Variants in VPS13A observed in about 807,000 individuals in gnomAD.
The protein encoded by VPS13A is intermembrane lipid transfer protein VPS13A.
Under a neutral mutation model 390.9 loss-of-function variants are expected in VPS13A, and 264 were observed. The ratio of observed to expected loss-of-function variants is 0.68; its 90% CI spans 0.61 to 0.75. VPS13A has a LOEUF of 0.75. Among genes scored for constraint, VPS13A ranks in the 30% least tolerant of loss-of-function variants. The pLI, the probability that VPS13A is intolerant of heterozygous loss-of-function variation, is 0.00. For missense variants in VPS13A, 3,409 were observed against 3,733.9 expected, an observed-to-expected ratio of 0.91 and a Z score of 2.27; for synonymous variants, 1,231 against 1,227.1, an observed-to-expected ratio of 1.00 and a Z score of -0.07.
At chr9:77,339,380 T>C in intron 47 of VPS13A, 136 bp from the exon 48 acceptor site, 1 of 793,448 alleles carries the variant, frequency 1.3e-6, no homozygotes, top group Admixed American at 2.8e-5. Flanking sequence ...AGAACTTGAA[T>C]GTAAGTCTTC....
chr9:77,369,191 G>A, intron 62 of VPS13A, 108 bp from the exon 63 acceptor site: 1 of 786,090 alleles, frequency 1.3e-6, no homozygotes, highest in Non-Finnish European at 2.2e-6. Flanking sequence ...AGTTGAAATT[G>A]GCATTAAAGG....
At chr9:77,310,175 A>C (rs746719304) in intron 35 of VPS13A, among the ~76,000 whole-genome samples, 7 of 152,192 alleles carry the variant, frequency 4.6e-5, no homozygotes, top group Non-Finnish European at 8.8e-5. Context: ...AGTGTATTTC[A>C]GAAAGTCAGG....
intron 52 of VPS13A, 160 bp from the exon 53 acceptor site, chr9:77,351,157 C>G: frequency 1.2e-6 from 1 of 816,236 alleles, no homozygotes; most frequent in South Asian, 1.8e-5. Flanking sequence ...CATTAGTGAA[C>G]CCTTTTTTAA....
At chr9:77,324,062 T>C (rs771569406) in intron 45 of VPS13A, among the ~76,000 whole-genome samples, 18 of 152,164 alleles carry the variant, frequency 1.2e-4, no homozygotes, top group Non-Finnish European at 2.5e-4. Context: ...TTATCAATTT[T>C]ATAAAAAATC....
chr9:77,401,696 C>A (rs1053984861), intron 68 of VPS13A, among the ~76,000 whole-genome samples: 1 of 152,010 alleles, frequency 6.6e-6, no homozygotes. Context: ...TAAAACAGTT[C>A]TTTTCATCTA....
Position 77,405,902 on chromosome 9 carries a change from T to A in VPS13A, c.9314T>A (p.Leu3105His), listed in dbSNP as rs141321409. The A allele has an allele frequency of 1.5e-4, 248 of 1,613,958 alleles. 1 individual carries two copies. The highest frequency in any genetic ancestry group is 6.6e-4 in the Middle Eastern group (4 of 6,058). Residue 3105 changes from leucine to histidine, a missense_variant, in exon 70 of 72, where the codon CTC becomes CAC. Physicochemically the swap from Leu to His is moderately conservative, Grantham distance 99. This residue lies in a region of VPS13A where 318 missense variants were observed against 333.7 expected (regional missense o/e 0.95). Coordinates refer to ENST00000360280, the MANE Select transcript of VPS13A (RefSeq NM_033305.3). ...LFVTKGTFGQ[L>H]TCEWQYSFDE... ...GTAACAAAGGGAACATTTGGACAAC[T>A]CACGTGTGAGTGGCAGTATAGTTTT...
At chr9:77,234,156 T>A (rs538599957) in intron 17 of VPS13A, among the ~76,000 whole-genome samples, 1 of 152,298 alleles carries the variant, frequency 6.6e-6, no homozygotes, top group East Asian at 1.9e-4. Flanking sequence ...AGTTTTCTAT[T>A]GAAAGATATT....
At chr9:77,287,774 T>C (rs1282428149) in intron 31 of VPS13A, among the ~76,000 whole-genome samples, 1 of 152,208 alleles carries the variant, frequency 6.6e-6, no homozygotes, top group Non-Finnish European at 1.5e-5. Flanking sequence ...AAAAGCCTTG[T>C]AGCAGGAAGG....
chr9:77,203,143 T>C (rs1405793736), intron 3 of VPS13A, among the ~76,000 whole-genome samples: 2 of 152,234 alleles, frequency 1.3e-5, no homozygotes, highest in Admixed American at 6.5e-5. Flanking sequence ...ATTATAGATA[T>C]ATCAAATATA....
Position 77,293,401 on chromosome 9 carries a change from A to C in VPS13A, c.3400A>C (p.Thr1134Pro), listed in dbSNP as rs1308626152. The change falls in exon 32 of 72, where the codon ACT (threonine) becomes CCT (proline). Residue 1134 changes from threonine (T) to proline (P), a missense_variant. By Grantham distance (38) the Thr-to-Pro change is conservative. Transcript: ENST00000360280. ...SFKMVSYMDATAGSAYTDMNV... is the reference protein window; with the variant it reads ...SFKMVSYMDAPAGSAYTDMNV... ...CAAAATGGTTTCTTACATGGATGCA[A>C]CTGCTGGTTCTGCATACACAGATAT... The C allele has an allele frequency of 6.2e-7, 1 of 1,613,328 alleles. No homozygotes were observed. The highest frequency in any genetic ancestry group is 8.5e-7 in the Non-Finnish European group (1 of 1,179,696).
Position 77,358,341 on chromosome 9 carries a change from G to A in VPS13A, c.7954-16G>A, listed in dbSNP as rs745908672. 8 of 1,591,666 alleles carry A rather than the reference G, an allele frequency of 5.0e-6. No individual in the cohort carries two copies. The highest frequency in any genetic ancestry group is 6.9e-6 in the Non-Finnish European group (8 of 1,160,144). ...AATTGACATATTAATATACTGATGT[G>A]TTTTTATTTTCTTAGATCCAAAATC... On this transcript the variant is annotated splice_polypyrimidine_tract_variant and intron_variant, in intron 56 of 71. Transcript: ENST00000360280.
intron 1 of VPS13A, among the ~76,000 whole-genome samples, chr9:77,186,687 C>A (rs559255938): frequency 6.6e-6 from 1 of 152,126 alleles, no homozygotes; most frequent in African/African-American, 2.4e-5. Flanking sequence ...CTGCCCGCCT[C>A]GGCCTCCCAA....
intron 44 of VPS13A, 104 bp from the exon 45 acceptor site, chr9:77,322,963 T>C: frequency 2.2e-6 from 2 of 926,894 alleles, no homozygotes; most frequent in African/African-American, 3.3e-5. Context: ...GTGACTATTA[T>C]TTATAAGTTT....
chr9:77,271,744 G>A (rs1166311334), intron 23 of VPS13A, among the ~76,000 whole-genome samples: 1 of 152,078 alleles, frequency 6.6e-6, no homozygotes, highest in Non-Finnish European at 1.5e-5. Context: ...ATTCATTTAA[G>A]AACTTAACAA....
At chr9:77,264,600 C>T (rs1174667686) in intron 23 of VPS13A, among the ~76,000 whole-genome samples, 3 of 152,070 alleles carry the variant, frequency 2.0e-5, no homozygotes, top group Non-Finnish European at 4.4e-5. Flanking sequence ...CTCTGTTTGT[C>T]TATTATTGGT....
At chr9:77,397,531 T>C (rs1488259965) in intron 68 of VPS13A, among the ~76,000 whole-genome samples, 1 of 152,344 alleles carries the variant, frequency 6.6e-6, no homozygotes, top group East Asian at 1.9e-4. Flanking sequence ...TTTAATCTTT[T>C]CATATTTTGC....
chr9:77,382,521 C>T lies in VPS13A; in HGVS notation c.9189+434C>T, dbSNP rs1235647923. 1.7e-5 allele frequency: 21 copies of T among 1,240,998 alleles called. No homozygotes were observed. In the East Asian group the frequency reaches 3.2e-4, roughly 19 times the overall value. The allele number at this position is 1,240,998 out of a possible 1,614,324, so 76.9% of individuals were successfully genotyped here. On this transcript the variant is annotated intron_variant, in intron 68 of 71. Transcript: ENST00000360280. ...GAAGCCTTTGTACCTTATGTATCCTCGTCATTGGTGGTACTTACTTAACCA... is the reference window on the plus strand; with the variant it reads ...GAAGCCTTTGTACCTTATGTATCCTTGTCATTGGTGGTACTTACTTAACCA...
intron 26 of VPS13A, 46 bp from the exon 27 acceptor site, chr9:77,280,113 A>G (rs1270907087): frequency 7.1e-7 from 1 of 1,416,954 alleles, no homozygotes; most frequent in African/African-American, 1.4e-5. Context: ...ATTTATTTTC[A>G]GTTACCTTTC....
intron 17 of VPS13A, among the ~76,000 whole-genome samples, chr9:77,233,284 A>G (rs1332047585): frequency 1.3e-5 from 2 of 151,274 alleles, no homozygotes; most frequent in African/African-American, 4.9e-5. Flanking sequence ...AGATATTTGC[A>G]TCTTTAGTGT....
Sources: allele counts gnomAD v4.1 joint callset (sites outside exome capture counted in the v4.1 genomes callset), GRCh38; gene constraint gnomAD v4.1.1; regional missense constraint gnomAD v4.1.1; transcripts MANE v1.5; gene names NCBI Gene and HGNC (gene_info 2026-07-23, HGNC 2026-07-21).